CDH12: variants seen among roughly 807,000 people sequenced by gnomAD.
CDH12 encodes the protein cadherin 12.
In CDH12, 41 loss-of-function variants were observed where a neutral mutation model predicts 74.1. That is an observed-to-expected ratio of 0.55 (90% CI 0.43 to 0.72). The LOEUF (loss-of-function observed/expected upper bound fraction) is 0.72, where lower values mean the gene tolerates loss of function less well. CDH12 is among the 30% of genes least tolerant of loss of function. The probability of loss-of-function intolerance (pLI) is 0.00; values close to 1 mark genes in which losing one functional copy is unlikely to be tolerated. For synonymous variants in CDH12, 399 were observed against 355.0 expected (o/e 1.12, Z -1.39); for missense variants, 945 against 977.2 (o/e 0.97, Z 0.44).
chr5:22,686,022 A>G (rs1205671819), intron 1 of CDH12, among the ~76,000 whole-genome samples: 1 of 152,206 alleles, frequency 6.6e-6, no homozygotes, highest in Non-Finnish European at 1.5e-5. Flanking sequence ...ACAATATATG[A>G]GGACTCCACC....
chr5:21,877,466 A>C (rs1479316719), intron 6 of CDH12, among the ~76,000 whole-genome samples: 1 of 152,204 alleles, frequency 6.6e-6, no homozygotes. Context: ...CTTGGTATAT[A>C]ATAAGTACTT....
At chr5:21,922,027 G>C (rs1754376970) in intron 6 of CDH12, among the ~76,000 whole-genome samples, 1 of 152,024 alleles carries the variant, frequency 6.6e-6, no homozygotes, top group Non-Finnish European at 1.5e-5. Context: ...TTTTACCATG[G>C]GGGTGTCCAA....
intron 1 of CDH12, among the ~76,000 whole-genome samples, chr5:22,788,460 T>C (rs1747750384): frequency 6.6e-6 from 1 of 150,990 alleles, no homozygotes; most frequent in South Asian, 2.1e-4. Flanking sequence ...AGATTATCAT[T>C]ATTATAATTA....
chr5:22,397,246 C>T (rs539339791), intron 3 of CDH12, among the ~76,000 whole-genome samples: 1 of 152,158 alleles, frequency 6.6e-6, no homozygotes, highest in East Asian at 1.9e-4. Context: ...TTCCCAATGG[C>T]TGGAATGCAG....
chr5:22,823,492 G>C (rs943728071), intron 1 of CDH12, among the ~76,000 whole-genome samples: 6 of 152,006 alleles, frequency 3.9e-5, no homozygotes, highest in African/African-American at 1.5e-4. Flanking sequence ...GGCCTCCCCA[G>C]CCATTTGGAA....
chr5:22,424,993 T>C (rs1241721722), intron 2 of CDH12, among the ~76,000 whole-genome samples: 1 of 150,592 alleles, frequency 6.6e-6, no homozygotes, highest in African/African-American at 2.4e-5. Flanking sequence ...TTAAAATAGG[T>C]ATTTCTTCCA....
intron 1 of CDH12, among the ~76,000 whole-genome samples, chr5:22,803,650 T>A (rs778636648): frequency 5.2e-4 from 79 of 152,134 alleles, no homozygotes; most frequent in Non-Finnish European, 9.4e-4. Context: ...GTTCAAATAA[T>A]ACAAAAAAAA....
intron 4 of CDH12, among the ~76,000 whole-genome samples, chr5:22,175,476 T>A (rs910041714): frequency 1.3e-5 from 2 of 151,978 alleles, no homozygotes; most frequent in Admixed American, 6.6e-5. Flanking sequence ...TGAAAAAAAA[T>A]ATATGTATAT....
intron 3 of CDH12, among the ~76,000 whole-genome samples, chr5:22,381,713 G>A (rs1741766090): frequency 6.6e-6 from 1 of 151,608 alleles, no homozygotes; most frequent in African/African-American, 2.4e-5. Context: ...TGAATTTAGG[G>A]AACTCAACTT....
chr5:22,359,167 G>T (rs1290889355), intron 3 of CDH12, among the ~76,000 whole-genome samples: 4 of 152,144 alleles, frequency 2.6e-5, no homozygotes, highest in African/African-American at 9.7e-5. Flanking sequence ...TCATCATAGT[G>T]CTGTATTCAG....
intron 5 of CDH12, among the ~76,000 whole-genome samples, chr5:22,022,213 G>A (rs1738033355): frequency 6.6e-6 from 1 of 152,102 alleles, no homozygotes; most frequent in Non-Finnish European, 1.5e-5. Flanking sequence ...ATCTCATGTT[G>A]AATTGTAATT....
chr5:22,437,682 A>T (rs559298699), intron 2 of CDH12, among the ~76,000 whole-genome samples: 2 of 151,966 alleles, frequency 1.3e-5, no homozygotes, highest in Non-Finnish European at 2.9e-5. Flanking sequence ...GGAGAATTAC[A>T]CTATGAAATC....
chr5:22,173,340 T>C (rs1356633346), intron 4 of CDH12, among the ~76,000 whole-genome samples: 1 of 146,918 alleles, frequency 6.8e-6, no homozygotes, highest in Non-Finnish European at 1.5e-5. Flanking sequence ...ATTTATATAA[T>C]ATAATTTATG....
intron 6 of CDH12, among the ~76,000 whole-genome samples, chr5:21,915,823 T>TGC (rs1491102746): frequency 2.2e-3 from 6 of 2,682 alleles, no homozygotes; most frequent in Non-Finnish European, 8.2e-3. Flanking sequence ...TCATTTGTGC[T>TGC]GTGTGTGTGT....
At chr5:22,470,531 G>A (rs965618335) in intron 2 of CDH12, among the ~76,000 whole-genome samples, 3 of 151,816 alleles carry the variant, frequency 2.0e-5, no homozygotes, top group East Asian at 1.9e-4. Context: ...CAATCTCCCC[G>A]CATCAGCCTT....
chr5:22,612,044 TG>T (rs1217395388), intron 1 of CDH12, among the ~76,000 whole-genome samples: 1 of 152,198 alleles, frequency 6.6e-6, no homozygotes, highest in East Asian at 1.9e-4. Context: ...TAAAAACATT[TG>T]GTAATGTATA....
At chr5:22,612,204 T>G (rs2126827677) in intron 1 of CDH12, among the ~76,000 whole-genome samples, 1 of 152,274 alleles carries the variant, frequency 6.6e-6, no homozygotes, top group Non-Finnish European at 1.5e-5. Context: ...GCTCAAAATT[T>G]ATTTATCAGT....
intron 4 of CDH12, among the ~76,000 whole-genome samples, chr5:22,146,019 G>A (rs1030920365): frequency 1.4e-5 from 2 of 142,208 alleles, no homozygotes; most frequent in African/African-American, 5.0e-5. Flanking sequence ...AATGTGCCTG[G>A]GTTATGCAAT....
At chr5:21,780,637 T>C (rs1206523543) in intron 11 of CDH12, among the ~76,000 whole-genome samples, 2 of 152,198 alleles carry the variant, frequency 1.3e-5, no homozygotes, top group Non-Finnish European at 2.9e-5. Context: ...ATGGACAACA[T>C]GTTTATGATA....
Sources: allele counts gnomAD v4.1 joint callset (sites outside exome capture counted in the v4.1 genomes callset), GRCh38; gene constraint gnomAD v4.1.1; transcripts MANE v1.5; gene names NCBI Gene and HGNC (gene_info 2026-07-23, HGNC 2026-07-21).